Variants in CASS4 observed in about 807,000 individuals in gnomAD.
CASS4 encodes the protein cas scaffolding protein family member 4.
CASS4 carries 22 observed loss-of-function variants against 54.2 expected under a neutral mutation model. The observed-to-expected ratio is 0.41, with a 90% CI of 0.29 to 0.58. The LOEUF is 0.58. Among genes scored for constraint, CASS4 ranks in the 20% least tolerant of loss-of-function variants. CASS4 has a pLI of 0.36. For synonymous variants in CASS4, 409 were observed against 391.5 expected, an observed-to-expected ratio of 1.04 and a Z score of -0.53; for missense variants, 854 against 986.7, an observed-to-expected ratio of 0.87 and a Z score of 1.80.
intron 1 of CASS4, among the ~76,000 whole-genome samples, chr20:56,423,203 T>C (rs964890441): frequency 5.3e-5 from 8 of 152,212 alleles, no homozygotes; most frequent in African/African-American, 1.9e-4. Context: ...TTTTCCAGGA[T>C]ATGGATAGTA....
intron 5 of CASS4, among the ~76,000 whole-genome samples, chr20:56,456,799 C>T (rs1308229399): frequency 6.6e-6 from 1 of 152,176 alleles, no homozygotes; most frequent in African/African-American, 2.4e-5. Flanking sequence ...CCACCTCAGC[C>T]TCCCAAGTAG....
In CASS4 at chr20:56,437,502, C is replaced by G; in HGVS notation, c.375C>G (p.Pro125=). The part of the protein sequence containing the change: ...QMRSWAEGPQ[P]PTAQVYEFPD... ...GGAGTTGGGCGGAGGGGCCCCAGCC[C>G]CCTACTGCCCAAGTCTATGAATTCC... Residue 125 remains proline, a synonymous_variant, in exon 2 of 6, where the codon CCC becomes CCG. Coordinates refer to ENST00000679887, the MANE Select transcript of CASS4 (RefSeq NM_020356.4). This position sits in a 1 kb window ranked among gnomAD's most constrained non-coding sequence, Gnocchi z 4.7. The G allele has an allele frequency of 1.9e-6, 3 of 1,604,108 alleles. No homozygotes were observed. Among genetic ancestry groups the G allele is most frequent in the Non-Finnish European group, 2.6e-6 (3 of 1,175,142 alleles).
At chr20:56,451,745 T>A in intron 4 of CASS4, 74 bp from the exon 5 acceptor site, 1 of 1,084,016 alleles carries the variant, frequency 9.2e-7, no homozygotes, top group Non-Finnish European at 1.4e-6. Context: ...GGAGTGACGA[T>A]GAGATTTAAA....
In CASS4 at chr20:56,452,998, T is replaced by G. The variant is rs536126976; in HGVS notation, c.1822T>G (p.Cys608Gly). The change falls in exon 5 of 6, where the codon TGT (cysteine) becomes GGT (glycine). Residue 608 changes from cysteine (C) to glycine (G), a missense_variant. By Grantham distance (159) the Cys-to-Gly change is radical. Transcript: ENST00000679887. Reference sequence around the variant, plus strand: ...GTTGACCCCAAATGCAGAATTTAAGTGTGAAAAATACATCCAGCCTCCCCA... The same window carrying G: ...GTTGACCCCAAATGCAGAATTTAAGGGTGAAAAATACATCCAGCCTCCCCA... ...VQLTPNAEFKCEKYIQPPQRE... is the reference protein window; with the variant it reads ...VQLTPNAEFKGEKYIQPPQRE... 1 of 1,613,848 alleles carries G rather than the reference T, an allele frequency of 6.2e-7. No homozygotes were observed. The highest frequency in any genetic ancestry group is 8.5e-7 in the Non-Finnish European group (1 of 1,180,004).
intron 3 of CASS4, among the ~76,000 whole-genome samples, chr20:56,447,358 T>C (rs565035104): frequency 2.6e-5 from 4 of 152,348 alleles, no homozygotes; most frequent in Admixed American, 2.6e-4. Flanking sequence ...TGGGCCTGCC[T>C]GCTGGGCTGG....
Position 56,437,768 on chromosome 20 carries a change from C to T in CASS4, c.459+182C>T, listed in dbSNP as rs149030803. On this transcript the variant is annotated intron_variant, in intron 2 of 5. Transcript: ENST00000679887. The surrounding 1 kb of genome is among the most constrained non-coding windows in gnomAD (Gnocchi z 4.7). ...GGGATGGAGAACTCAGCGGCCTCCACCCCCTTGTCGTTGACACCCTTGGCG... is the reference window on the plus strand; with the variant it reads ...GGGATGGAGAACTCAGCGGCCTCCATCCCCTTGTCGTTGACACCCTTGGCG... 4.0e-3 allele frequency among the ~76,000 whole-genome samples: 616 copies of T among 152,280 alleles called. 8 individuals carry two copies. The highest frequency in any genetic ancestry group is 0.014 in the African/African-American group (581 of 41,562).
chr20:56,450,636 G>A lies in CASS4; in HGVS notation c.599G>A (p.Ser200Asn). The change falls in exon 4 of 6, where the codon AGC (serine) becomes AAC (asparagine). Residue 200 changes from serine (S) to asparagine (N), a missense_variant. By Grantham distance (46) the Ser-to-Asn change is conservative. Coordinates refer to ENST00000679887, the MANE Select transcript of CASS4 (RefSeq NM_020356.4). ...EKQQLYDIPA[S>N]PKKAGLHPPD... is the part of the protein sequence containing the mutation. ...CAGCAGTTATATGACATACCAGCCA[G>A]CCCCAAGAAGGCAGGACTCCATCCC... 6.2e-7 allele frequency: 1 copy of A among 1,614,118 alleles called. No individual in the cohort carries two copies. The highest frequency in any genetic ancestry group is 1.1e-5 in the South Asian group (1 of 91,078).
In CASS4 at chr20:56,452,196, G is replaced by T. The variant is rs779877573; in HGVS notation, c.1020G>T (p.Val340=). ...CTTCAAGCTTTCTGATTCCCCGAGT[G>T]GAACAGCAGAACACCAAGCCCAATA... ...KVPSSFLIPR[V]EQQNTKPNIY... The change falls in exon 5 of 6, where the codon GTG becomes GTT. Residue 340 remains valine, a synonymous_variant. Coordinates refer to ENST00000679887, the MANE Select transcript of CASS4 (RefSeq NM_020356.4). 2 of 1,614,158 alleles carry T rather than the reference G, an allele frequency of 1.2e-6. No homozygotes were observed. Among genetic ancestry groups the T allele is most frequent in the South Asian group, 2.2e-5 (2 of 91,082 alleles).
rs201823830 is a variant in CASS4 at position 56,458,448 on chromosome 20, A to G, written c.2062A>G (p.Ser688Gly). The G allele has an allele frequency of 6.2e-7, 1 of 1,614,210 alleles. No individual in the cohort carries two copies. The highest frequency in any genetic ancestry group is 1.3e-5 in the African/African-American group (1 of 75,038). The change falls in exon 6 of 6, where the codon AGC becomes GGC. Residue 688 changes from serine (S) to glycine (G), a missense_variant. Transcript: ENST00000679887. The stretch of plus-strand genomic sequence containing the variant: ...CTTTGGGGCGCTCTTCAAAGCCATC[A>G]GCGCATTTCACGGCAGCCTCAGCAG... ...LYFGALFKAI[S>G]AFHGSLSSSQ...
chr20:56,456,956 G>T (rs1981327293), intron 5 of CASS4, among the ~76,000 whole-genome samples: 2 of 152,200 alleles, frequency 1.3e-5, no homozygotes, highest in Admixed American at 1.3e-4. Flanking sequence ...AAAGTGCTGG[G>T]ATTACAGGTG....
rs187801198 is a variant in CASS4 at position 56,432,410 on chromosome 20, C to G, written c.37-4754C>G. The stretch of plus-strand genomic sequence containing the variant: ...AGAGACAGGGTCTCACTTCCTCACC[C>G]AGGCTGTAGTGCAGTGGCGCGATCT... On this transcript the variant is annotated intron_variant, in intron 1 of 5. Transcript: ENST00000679887. 5.5e-5 allele frequency among the ~76,000 whole-genome samples: 8 copies of G among 144,758 alleles called. No homozygotes were observed. The East Asian group carries it at 1.6e-3, about 29-fold the overall frequency. The allele number at this position is 144,758 out of a possible 152,430, so 95.0% of individuals were successfully genotyped here. A position where few individuals can be genotyped will look rare whatever the true frequency, so the allele number is the denominator to read the frequency against.
chr20:56,417,619 C>T (rs1979205575), intron 1 of CASS4, among the ~76,000 whole-genome samples: 1 of 152,220 alleles, frequency 6.6e-6, no homozygotes, highest in South Asian at 2.1e-4. Context: ...TACAACAGTG[C>T]CTGCACAAAG....
At chr20:56,417,695 G>A (rs1342072691) in intron 1 of CASS4, among the ~76,000 whole-genome samples, 4 of 152,198 alleles carry the variant, frequency 2.6e-5, no homozygotes, top group African/African-American at 9.7e-5. Flanking sequence ...AGTGCAGGTG[G>A]AGCCCTGGCT....
In CASS4 at chr20:56,452,759, G is replaced by T. The variant is rs148921681; in HGVS notation, c.1583G>T (p.Arg528Leu). 2.1e-3 allele frequency: 3,469 copies of T among 1,613,954 alleles called. 3 individuals are homozygous for T. The highest frequency in any genetic ancestry group is 2.6e-3 in the Non-Finnish European group (3,102 of 1,180,006). The change falls in exon 5 of 6, where the codon CGC (arginine) becomes CTC (leucine). Residue 528 changes from arginine (R) to leucine (L), a missense_variant. Coordinates refer to ENST00000679887, the MANE Select transcript of CASS4 (RefSeq NM_020356.4). ...ATGCAGACCATCTCCAACTCCTACC[G>T]CATCCTGCTTGAAACAAAGGAAAGC... ...DQMQTISNSY[R>L]ILLETKESLD...
At chr20:56,442,795 G>A (rs1178737666) in intron 2 of CASS4, among the ~76,000 whole-genome samples, 1 of 151,866 alleles carries the variant, frequency 6.6e-6, no homozygotes, top group Admixed American at 6.6e-5. Context: ...TTCCTGAACT[G>A]GAGTTTCCTT....
intron 1 of CASS4, among the ~76,000 whole-genome samples, chr20:56,433,144 C>A (rs1290703854): frequency 6.6e-6 from 1 of 152,194 alleles, no homozygotes; most frequent in Non-Finnish European, 1.5e-5. Context: ...GGGAGACAGA[C>A]CCTGGATGAG....
In CASS4 at chr20:56,439,626, T is replaced by C. The variant is rs565496229; in HGVS notation, c.459+2040T>C. ...AGGAGATTGAAGCTGCAGAGAGCTA[T>C]TATTACTACGGCGCCCCTGCACTCC... is the stretch of plus-strand genomic sequence containing the variant. On this transcript the variant is annotated intron_variant, in intron 2 of 5. Coordinates refer to ENST00000679887, the MANE Select transcript of CASS4 (RefSeq NM_020356.4). 3.9e-5 allele frequency among the ~76,000 whole-genome samples: 6 copies of C among 152,114 alleles called. No individual in the cohort carries two copies. The South Asian group carries it at 1.2e-3, about 32-fold the overall frequency.
chr20:56,457,183 C>G (rs1170170346), intron 5 of CASS4, among the ~76,000 whole-genome samples: 1 of 152,208 alleles, frequency 6.6e-6, no homozygotes, highest in Non-Finnish European at 1.5e-5. Context: ...GACATAACCC[C>G]CTTCTGAAAA....
rs1188159544 is a variant in CASS4 at position 56,414,728 on chromosome 20, A to T, written c.36+2234A>T. ...CACTTTCAGAGGCTGAAGCGTGTGG[A>T]TCACCTGAGGTCAGGGGATTAGCCT... On this transcript the variant is annotated intron_variant, in intron 1 of 5. Transcript: ENST00000679887. The surrounding 1 kb of genome is among the most constrained non-coding windows in gnomAD (Gnocchi z 4.1). Among the ~76,000 whole-genome samples the T allele has an allele frequency of 6.6e-6, 1 of 152,160 alleles. No individual in the cohort carries two copies. Among genetic ancestry groups the T allele is most frequent in the Non-Finnish European group, 1.5e-5 (1 of 68,026 alleles).
Sources: gnomAD v4.1 joint callset for allele counts (sites outside exome capture counted in the v4.1 genomes callset) on GRCh38, gnomAD v4.1.1 for gene constraint, Gnocchi (gnomAD v3.1) non-coding constraint, MANE v1.5 for transcripts, NCBI Gene and HGNC (gene_info 2026-07-23, HGNC 2026-07-21) for gene names.